ZDHHC18: variants seen among roughly 807,000 people sequenced by gnomAD.
The protein encoded by ZDHHC18 is palmitoyltransferase ZDHHC18.
Under a neutral mutation model 37.5 loss-of-function variants are expected in ZDHHC18, and 23 were observed. That is an observed-to-expected ratio of 0.61 (90% CI 0.44 to 0.87). The LOEUF (loss-of-function observed/expected upper bound fraction) is 0.87, where lower values mean the gene tolerates loss of function less well. ZDHHC18 is among the 40% of genes least tolerant of loss of function. ZDHHC18 has a pLI of 0.00. For synonymous variants in ZDHHC18, 185 were observed against 218.7 expected, an observed-to-expected ratio of 0.85 and a Z score of 1.36; for missense variants, 406 against 525.6, an observed-to-expected ratio of 0.77 and a Z score of 2.22.
Position 26,848,588 on chromosome 1 carries a change from T to G in ZDHHC18, c.497-20T>G, listed in dbSNP as rs746707054. On this transcript the variant is annotated intron_variant, in intron 2 of 7. Transcript: ENST00000374142. ...GGGCTGCCTTGGGCATTCCCCATCT[T>G]TCTCTCCTCCTTCCCTCAGACAACA... 2 of 1,601,460 alleles carry G rather than the reference T, an allele frequency of 1.2e-6. No individual in the cohort carries two copies. The highest frequency in any genetic ancestry group is 3.3e-5 in the Admixed American group (2 of 59,788).
chr1:26,840,721 C>T (rs567146891), intron 2 of ZDHHC18, among the ~76,000 whole-genome samples: 1 of 151,736 alleles, frequency 6.6e-6, no homozygotes, highest in South Asian at 2.1e-4. Flanking sequence ...GGATTACAGG[C>T]GTGAGCCATC....
At chr1:26,830,741 A>G (rs1406053158) in intron 1 of ZDHHC18, among the ~76,000 whole-genome samples, 1 of 150,452 alleles carries the variant, frequency 6.6e-6, no homozygotes, top group Non-Finnish European at 1.5e-5. Context: ...GTCTATACCC[A>G]CAGAGGAGCT....
Position 26,850,187 on chromosome 1 carries a change from G to A in ZDHHC18, c.647-114G>A, listed in dbSNP as rs2081694924. 5 of 1,358,808 alleles carry A rather than the reference G, an allele frequency of 3.7e-6. No homozygotes were observed. The Admixed American group carries it at 8.9e-5, about 24-fold the overall frequency. The allele number at this position is 1,358,808 out of a possible 1,614,324, so 84.2% of individuals were successfully genotyped here. A position where few individuals can be genotyped will look rare whatever the true frequency, so the allele number is the denominator to read the frequency against. ...TGTGTCCAAGGCCTGGGAGCCAGCT[G>A]GTGCTGCGAGAGTGAACGGGGTAGG... is the stretch of plus-strand genomic sequence containing the variant. On this transcript the variant is annotated intron_variant, in intron 3 of 7. Coordinates refer to ENST00000374142, the MANE Select transcript of ZDHHC18 (RefSeq NM_032283.3). This position sits in a 1 kb window ranked among gnomAD's most constrained non-coding sequence, Gnocchi z 6.1.
chr1:26,842,432 A>G (rs1474397840), intron 2 of ZDHHC18, among the ~76,000 whole-genome samples: 3 of 152,378 alleles, frequency 2.0e-5, no homozygotes, highest in Admixed American at 2.0e-4. Context: ...AAGAGCTTAT[A>G]TGATTTTTTA....
At chr1:26,841,054 G>A (rs1228389278) in intron 2 of ZDHHC18, among the ~76,000 whole-genome samples, 3 of 152,052 alleles carry the variant, frequency 2.0e-5, no homozygotes, top group Non-Finnish European at 4.4e-5. Context: ...TCAGCTCACT[G>A]CAACCTCTGC....
intron 6 of ZDHHC18, among the ~76,000 whole-genome samples, chr1:26,852,495 G>A (rs781755540): frequency 6.6e-6 from 1 of 152,164 alleles, no homozygotes; most frequent in Non-Finnish European, 1.5e-5. Context: ...GTGGCTGGCC[G>A]GAGAAGGGAG....
At chr1:26,847,069 G>A (rs929348767) in intron 2 of ZDHHC18, among the ~76,000 whole-genome samples, 8 of 151,466 alleles carry the variant, frequency 5.3e-5, no homozygotes, top group African/African-American at 1.9e-4. Flanking sequence ...TTAATTTTTT[G>A]TATTTTTAGT....
Position 26,851,220 on chromosome 1 carries a change from A to G in ZDHHC18, c.925A>G (p.Thr309Ala). 6 of 1,614,102 alleles carry G rather than the reference A, an allele frequency of 3.7e-6. No homozygotes were observed. The highest frequency in any genetic ancestry group is 4.2e-6 in the Non-Finnish European group (5 of 1,179,962). The change falls in exon 6 of 8, where the codon ACT becomes GCT. Residue 309 changes from threonine (T) to alanine (A), a missense_variant. By Grantham distance (58) the Thr-to-Ala change is moderately conservative. Coordinates refer to ENST00000374142, the MANE Select transcript of ZDHHC18 (RefSeq NM_032283.3). ...GTACCTCGTCGCCTCCAACCTGACT[A>G]CTAATGAAGACGTGAGTAAACCTGG... ...HTYLVASNLT[T>A]NEDIKGSWSS...
chr1:26,846,308 A>C (rs1344158146), intron 2 of ZDHHC18, among the ~76,000 whole-genome samples: 1 of 58,526 alleles, frequency 1.7e-5, no homozygotes, highest in Non-Finnish European at 3.0e-5. Context: ...ATATATATAT[A>C]TATTTTTTTT....
At position 26,855,510 on chromosome 1, in the gene ZDHHC18, G is replaced by T. The variant is rs1570678529; in HGVS notation, c.*1667G>T. 6.5e-6 allele frequency: 1 copy of T among 152,828 alleles called. No individual in the cohort carries two copies. Among genetic ancestry groups the T allele is most frequent in the African/African-American group, 2.4e-5 (1 of 41,566 alleles). 9.5% of individuals were successfully genotyped at this position (152,828 alleles called of 1,614,324 possible). A position where few individuals can be genotyped will look rare whatever the true frequency, so the allele number is the denominator to read the frequency against. ...AGATCTTGCCCTTCTCACTCCAGAG[G>T]CTAGTGGTCACAGACAGCTGGGAAT... On this transcript the variant is annotated 3_prime_UTR_variant, in exon 8 of 8. Transcript: ENST00000374142.
chr1:26,846,232 A>AT (rs370990667), intron 2 of ZDHHC18, among the ~76,000 whole-genome samples: 8 of 132,082 alleles, frequency 6.1e-5, no homozygotes, highest in Non-Finnish European at 7.7e-5. Context: ...ATGTGTATAT[A>AT]GAGAGAGAGA....
intron 1 of ZDHHC18, among the ~76,000 whole-genome samples, chr1:26,831,513 A>G (rs2081588743): frequency 6.6e-6 from 1 of 152,194 alleles, no homozygotes; most frequent in African/African-American, 2.4e-5. Context: ...TTCTGGGTGG[A>G]CAGTGAGGTG....
rs1237780806 is a variant in ZDHHC18, at chr1:26,857,441, G to A, written c.*3598G>A. ...GTGCCTCCTTTGCTCTAGGCACTGAGGGACCAAGCTAGCCGTGCACAGCCC... is the reference window on the plus strand; with the variant it reads ...GTGCCTCCTTTGCTCTAGGCACTGAAGGACCAAGCTAGCCGTGCACAGCCC... On this transcript the variant is annotated 3_prime_UTR_variant, in exon 8 of 8. Coordinates refer to ENST00000374142, the MANE Select transcript of ZDHHC18 (RefSeq NM_032283.3). 1 of 152,258 alleles carries A rather than the reference G, an allele frequency of 6.6e-6. No individual in the cohort carries two copies. Among genetic ancestry groups the A allele is most frequent in the Non-Finnish European group, 1.5e-5 (1 of 68,084 alleles). The allele number at this position is 152,258 out of a possible 1,614,324, so 9.4% of individuals were successfully genotyped here.
chr1:26,850,662 T>C lies in ZDHHC18; in HGVS notation c.833+56T>C, dbSNP rs2081698185. 1.3e-6 allele frequency: 2 copies of C among 1,595,514 alleles called. No homozygotes were observed. ...TGGGAACTGAGGTCCCTTCACTGGG[T>C]GGGTGCCCTGCCTCATCCTCTAATC... On this transcript the variant is annotated intron_variant, in intron 5 of 7. Transcript: ENST00000374142. The surrounding 1 kb of genome is among the most constrained non-coding windows in gnomAD (Gnocchi z 6.1).
In ZDHHC18 at chr1:26,857,201, C is replaced by T. The variant is rs1048851067; in HGVS notation, c.*3358C>T. Reference sequence around the variant, plus strand: ...GAGGTGTCAAGACTAGGAATCTGGCCTTAGAGCCTGCCCCTCCACCCCCTC... The same window carrying T: ...GAGGTGTCAAGACTAGGAATCTGGCTTTAGAGCCTGCCCCTCCACCCCCTC... On this transcript the variant is annotated 3_prime_UTR_variant, in exon 8 of 8. Coordinates refer to ENST00000374142, the MANE Select transcript of ZDHHC18 (RefSeq NM_032283.3). 1 of 152,416 alleles carries T rather than the reference C, an allele frequency of 6.6e-6. No homozygotes were observed. The highest frequency in any genetic ancestry group is 6.5e-5 in the Admixed American group (1 of 15,288). The allele number at this position is 152,416 out of a possible 1,614,324, so 9.4% of individuals were successfully genotyped here. A position where few individuals can be genotyped will look rare whatever the true frequency, so the allele number is the denominator to read the frequency against.
chr1:26,852,130 C>T (rs1029886143), intron 6 of ZDHHC18, among the ~76,000 whole-genome samples: 3 of 152,192 alleles, frequency 2.0e-5, no homozygotes, highest in South Asian at 2.1e-4. Flanking sequence ...CAGTATCTCC[C>T]GCAGTAGCTT....
intron 6 of ZDHHC18, 33 bp downstream of exon 6, chr1:26,851,264 G>A: frequency 6.2e-7 from 1 of 1,604,760 alleles, no homozygotes; most frequent in Non-Finnish European, 8.5e-7. Context: ...CTCATTCTAG[G>A]GCAGCGCCCT....
Position 26,832,372 on chromosome 1 carries a change from C to T in ZDHHC18, c.336-75C>T. On this transcript the variant is annotated intron_variant, in intron 1 of 7. Coordinates refer to ENST00000374142, the MANE Select transcript of ZDHHC18 (RefSeq NM_032283.3). The stretch of plus-strand genomic sequence containing the variant: ...GTGGTGGTTGTTGGAATGACAGCGC[C>T]TGCCACGTGCTGTAGCCCTGTGCCG... 3 of 1,561,516 alleles carry T rather than the reference C, an allele frequency of 1.9e-6. No homozygotes were observed. The South Asian group carries it at 3.5e-5, about 18-fold the overall frequency.
Position 26,850,658 on chromosome 1 carries a change from T to C in ZDHHC18, c.833+52T>C, listed in dbSNP as rs1395568075. On this transcript the variant is annotated intron_variant, in intron 5 of 7. Transcript: ENST00000374142. The surrounding 1 kb of genome is among the most constrained non-coding windows in gnomAD (Gnocchi z 6.1). ...CCAGTGGGAACTGAGGTCCCTTCACTGGGTGGGTGCCCTGCCTCATCCTCT... is the reference window on the plus strand; with the variant it reads ...CCAGTGGGAACTGAGGTCCCTTCACCGGGTGGGTGCCCTGCCTCATCCTCT... 1.9e-6 allele frequency: 3 copies of C among 1,604,262 alleles called. No individual in the cohort carries two copies. The highest frequency in any genetic ancestry group is 2.6e-6 in the Non-Finnish European group (3 of 1,172,818).
Sources: allele counts gnomAD v4.1 joint callset (sites outside exome capture counted in the v4.1 genomes callset), GRCh38; gene constraint gnomAD v4.1.1; non-coding constraint Gnocchi (gnomAD v3.1); transcripts MANE v1.5; gene names NCBI Gene and HGNC (gene_info 2026-07-23, HGNC 2026-07-21).